Variants in TCP11 observed in about 807,000 individuals in gnomAD.
TCP11 encodes the protein t-complex 11.
In TCP11, 34 loss-of-function variants were observed where a neutral mutation model predicts 45.0. That is an observed-to-expected ratio of 0.76 (90% CI 0.57 to 1.01). The LOEUF (loss-of-function observed/expected upper bound fraction) is 1.01. TCP11 is among the 50% of genes least tolerant of loss of function. The probability of loss-of-function intolerance (pLI) is 0.00; values close to 1 mark genes in which losing one functional copy is unlikely to be tolerated. For synonymous variants in TCP11, 227 were observed against 227.0 expected, an observed-to-expected ratio of 1.00 and a Z score of 0.00; for missense variants, 523 against 598.1, an observed-to-expected ratio of 0.87 and a Z score of 1.31.
At position 35,120,627 on chromosome 6, in the gene TCP11, G is replaced by C; in HGVS notation, c.735C>G (p.Thr245=). 6.2e-7 allele frequency: 1 copy of C among 1,613,586 alleles called. No individual in the cohort carries two copies. The highest frequency in any genetic ancestry group is 1.7e-4 in the Middle Eastern group (1 of 6,056). ...CTCCTGCTGCTTGGGTCAGCCATTT[G>C]GTGGTGTGATTAAGGAGACCTATGA... ...NKQPSLLNHT[T]KWLTQAAGDL... The change falls in exon 7 of 10, where the codon ACC becomes ACG. Residue 245 remains threonine, a synonymous_variant. Coordinates refer to ENST00000311875, the MANE Select transcript of TCP11 (RefSeq NM_001370687.1). This position sits in a 1 kb window ranked among gnomAD's most constrained non-coding sequence, Gnocchi z 4.9.
intron 4 of TCP11, among the ~76,000 whole-genome samples, chr6:35,123,773 C>T (rs1779545488): frequency 6.6e-6 from 1 of 151,116 alleles, no homozygotes; most frequent in East Asian, 1.9e-4. Context: ...AATCATAAGC[C>T]ACTACACCTG....
intron 3 of TCP11, among the ~76,000 whole-genome samples, chr6:35,132,639 G>T (rs9380492): frequency 0.043 from 6,508 of 152,228 alleles, 293 homozygotes; most frequent in East Asian, 0.23. Flanking sequence ...AAAGCCAACT[G>T]CCAATAATGA....
chr6:35,118,111 C>A lies in TCP11; in HGVS notation c.*158G>T. On this transcript the variant is annotated 3_prime_UTR_variant, in exon 10 of 10. Transcript: ENST00000311875. The stretch of plus-strand genomic sequence containing the variant: ...AAGTTTATTAATGAATGGGTATGGA[C>A]CAGTTGGTGTTTACATGCTTGATCC... The A allele has an allele frequency of 1.5e-6, 1 of 649,174 alleles. No homozygotes were observed. The highest frequency in any genetic ancestry group is 2.6e-5 in the East Asian group (1 of 38,466). The allele number at this position is 649,174 out of a possible 1,614,324, so 40.2% of individuals were successfully genotyped here.
At chr6:35,121,617 A>C (rs1410392842) in intron 5 of TCP11, among the ~76,000 whole-genome samples, 1 of 151,982 alleles carries the variant, frequency 6.6e-6, no homozygotes, top group Admixed American at 6.6e-5. Flanking sequence ...GTTTGAGACC[A>C]GCCTGGCCAA....
chr6:35,140,161 T>C lies in TCP11; in HGVS notation c.124+586A>G, dbSNP rs1781559740. 13 of 1,601,054 alleles carry C rather than the reference T, an allele frequency of 8.1e-6. 1 individual carries two copies. The highest frequency in any genetic ancestry group is 1.1e-5 in the Non-Finnish European group (13 of 1,172,592). On this transcript the variant is annotated intron_variant, in intron 2 of 9. Coordinates refer to ENST00000311875, the MANE Select transcript of TCP11 (RefSeq NM_001370687.1). ...AATCTAATTTTTCGCATTTCAATAG[T>C]CAAGAATTTTATCTTGAGTTGTTGC...
In TCP11 at chr6:35,120,846, C is replaced by T; in HGVS notation, c.715+63G>A. On this transcript the variant is annotated intron_variant, in intron 6 of 9. Coordinates refer to ENST00000311875, the MANE Select transcript of TCP11 (RefSeq NM_001370687.1). This position sits in a 1 kb window ranked among gnomAD's most constrained non-coding sequence, Gnocchi z 4.9. ...TAAAAAGAGATAGAGTACTCTCTAACATTATAAAAGTCAGACCCAAGGTAA... is the reference window on the plus strand; with the variant it reads ...TAAAAAGAGATAGAGTACTCTCTAATATTATAAAAGTCAGACCCAAGGTAA... 6 of 1,547,356 alleles carry T rather than the reference C, an allele frequency of 3.9e-6. No individual in the cohort carries two copies. The highest frequency in any genetic ancestry group is 5.2e-6 in the Non-Finnish European group (6 of 1,143,956).
chr6:35,127,286 A>C (rs1779936003), intron 4 of TCP11, among the ~76,000 whole-genome samples: 1 of 152,222 alleles, frequency 6.6e-6, no homozygotes, highest in Admixed American at 6.5e-5. Context: ...GGGGTAAGAA[A>C]GACCATGCCT....
intron 5 of TCP11, 53 bp downstream of exon 5, chr6:35,122,064 T>C: frequency 6.3e-7 from 1 of 1,586,740 alleles, no homozygotes; most frequent in Non-Finnish European, 8.7e-7. Context: ...GGCCCAGCTT[T>C]TCCGGGCTCA....
At chr6:35,131,763 T>A (rs1780478760) in intron 3 of TCP11, among the ~76,000 whole-genome samples, 1 of 152,214 alleles carries the variant, frequency 6.6e-6, no homozygotes, top group Admixed American at 6.5e-5. Context: ...TACAGCTGCC[T>A]CATTTTTAAA....
At position 35,122,172 on chromosome 6, in the gene TCP11, G is replaced by A. The variant is rs199835007; in HGVS notation, c.523C>T (p.Arg175Ter). The A allele has an allele frequency of 3.8e-5, 61 of 1,614,156 alleles. No individual in the cohort carries two copies. The East Asian group carries it at 5.3e-4, about 14-fold the overall frequency. Residue 175 changes from arginine to a stop codon, truncating the protein, a stop_gained, in exon 5 of 10, where the codon CGA becomes TGA. Coordinates refer to ENST00000311875, the MANE Select transcript of TCP11 (RefSeq NM_001370687.1). LOFTEE classifies it high-confidence loss of function. ...TCTAGTTTCTGCACTGCTTCATCTC[G>A]AACTGGTGCACACAGCAAAGCCATC... ...NMMALLCAPV[R>*]DEAVQKLENI...
rs149685630 is a variant in TCP11 at position 35,118,471 on chromosome 6, C to G, written c.1310G>C (p.Cys437Ser). The change falls in exon 10 of 10, where the codon TGT becomes TCT. Residue 437 changes from cysteine to serine, a missense_variant. By Grantham distance (112) the Cys-to-Ser change is moderately radical. This residue lies in a region of TCP11 where 298 missense variants were observed against 387.9 expected (regional missense o/e 0.77). Coordinates refer to ENST00000311875, the MANE Select transcript of TCP11 (RefSeq NM_001370687.1). ...AGACCGCTGCACACCAAGAACCAAA[C>G]AGCATTTGAGAAACAAATGGATCCG... is the stretch of plus-strand genomic sequence containing the variant. ...DQRIHLFLKCCLVLGVQRSLL... is the reference protein window; with the variant it reads ...DQRIHLFLKCSLVLGVQRSLL... 3.1e-6 allele frequency: 5 copies of G among 1,614,082 alleles called. No homozygotes were observed. The highest frequency in any genetic ancestry group is 1.7e-5 in the Admixed American group (1 of 60,002).
chr6:35,129,081 A>C lies in TCP11; in HGVS notation c.338T>G (p.Leu113Arg). Residue 113 changes from leucine (L) to arginine (R), a missense_variant, in exon 4 of 10, where the codon CTT becomes CGT. By Grantham distance (102) the Leu-to-Arg change is moderately radical. Around this residue, in one of 2 missense-constraint regions of TCP11, gnomAD observed 225 missense variants for 210.2 expected, o/e 1.07. Transcript: ENST00000311875. ...ACTCACCTCTTTAATTTCTTTCAGA[A>C]GTTCAAGAGCACAGCTGAAGTCAGG... is the stretch of plus-strand genomic sequence containing the variant. ...TPPDFSCALE[L>R]LKEIKEILLS... 1 of 1,613,832 alleles carries C rather than the reference A, an allele frequency of 6.2e-7. No homozygotes were observed. Among genetic ancestry groups the C allele is most frequent in the Non-Finnish European group, 8.5e-7 (1 of 1,179,938 alleles).
intron 3 of TCP11, among the ~76,000 whole-genome samples, chr6:35,132,474 A>T (rs539247914): frequency 5.3e-4 from 80 of 152,378 alleles, no homozygotes; most frequent in African/African-American, 1.9e-3. Flanking sequence ...TCTTGACAGC[A>T]AAAACTGCCT....
intron 3 of TCP11, among the ~76,000 whole-genome samples, chr6:35,133,376 T>G (rs1056341333): frequency 3.3e-5 from 5 of 152,018 alleles, no homozygotes; most frequent in African/African-American, 9.7e-5. Flanking sequence ...AGAGACGAGG[T>G]CTCACTATGT....
Position 35,141,252 on chromosome 6 carries a change from C to T in TCP11, c.-62G>A. On this transcript the variant is annotated 5_prime_UTR_variant, in exon 1 of 10. Coordinates refer to ENST00000311875, the MANE Select transcript of TCP11 (RefSeq NM_001370687.1). ...CATCCACTGGCGTCCGCTCGGTGGG[C>T]CTCGCGGCCTGGCGGCCTGGAGCGT... 1.5e-6 allele frequency: 2 copies of T among 1,299,882 alleles called. No homozygotes were observed. The highest frequency in any genetic ancestry group is 2.0e-6 in the Non-Finnish European group (2 of 1,022,420). The allele number at this position is 1,299,882 out of a possible 1,614,324, so 80.5% of individuals were successfully genotyped here. A position where few individuals can be genotyped will look rare whatever the true frequency, so the allele number is the denominator to read the frequency against.
intron 3 of TCP11, among the ~76,000 whole-genome samples, chr6:35,132,101 C>T (rs1780517321): frequency 6.6e-6 from 1 of 152,224 alleles, no homozygotes; most frequent in Admixed American, 6.5e-5. Flanking sequence ...CTTATGTTAC[C>T]TTATATCATA....
At chr6:35,121,705 C>T (rs1276131298) in intron 5 of TCP11, among the ~76,000 whole-genome samples, 1 of 151,322 alleles carries the variant, frequency 6.6e-6, no homozygotes, top group African/African-American at 2.4e-5. Flanking sequence ...CCCAGCTACT[C>T]GGGAGGCTGA....
In TCP11 at chr6:35,140,861, C is replaced by A; in HGVS notation, c.10G>T (p.Val4Phe). The A allele has an allele frequency of 6.3e-7, 1 of 1,576,890 alleles. No individual in the cohort carries two copies. The highest frequency in any genetic ancestry group is 2.3e-5 in the East Asian group (1 of 44,048). Residue 4 changes from valine (V) to phenylalanine (F), a missense_variant, in exon 2 of 10, where the codon GTC (valine) becomes TTC (phenylalanine). Transcript: ENST00000311875. MPD[V>F]KESVPPKYPG... ...TATTTCGGGGGCACACTCTCCTTGA[C>A]GTCTGGCATTTTGCTGATGGTATCT...
At chr6:35,141,027 TGGAGGAGCG>T in intron 1 of TCP11, 143 bp from the exon 2 acceptor site, 1 of 1,246,832 alleles carries the variant, frequency 8.0e-7, no homozygotes, top group Non-Finnish European at 1.0e-6. Flanking sequence ...CAAAGGAGCG[TGGAGGAGCG>T]GAAGTCGAGA....
Sources: gnomAD v4.1 joint callset for allele counts (sites outside exome capture counted in the v4.1 genomes callset) on GRCh38, gnomAD v4.1.1 for gene constraint, gnomAD v4.1.1 regional missense constraint, Gnocchi (gnomAD v3.1) non-coding constraint, MANE v1.5 for transcripts, NCBI Gene and HGNC (gene_info 2026-07-23, HGNC 2026-07-21) for gene names.